Variants in SPAG16 observed in about 807,000 individuals in gnomAD.
SPAG16 encodes the protein sperm associated antigen 16, also known as sperm-associated antigen 16 protein.
Under a neutral mutation model 80.4 loss-of-function variants are expected in SPAG16, and 86 were observed. That is an observed-to-expected ratio of 1.07 (90% CI 0.90 to 1.28). The LOEUF (loss-of-function observed/expected upper bound fraction) is 1.28, where lower values mean the gene tolerates loss of function less well. Ranked by LOEUF, SPAG16 falls within the 50% of genes most tolerant of loss-of-function variation. SPAG16 has a pLI of 0.00. For missense variants in SPAG16, 870 were observed against 765.3 expected (o/e 1.14, Z -1.61); for synonymous variants, 294 against 265.9 (o/e 1.11, Z -1.03).
chr2:213,563,599 G>T (rs1352978255), intron 10 of SPAG16, among the ~76,000 whole-genome samples: 1 of 152,210 alleles, frequency 6.6e-6, no homozygotes, highest in African/African-American at 2.4e-5. Context: ...AATCCTATTG[G>T]TTCAGGACCC....
chr2:213,734,818 A>T (rs2067210263), intron 10 of SPAG16, among the ~76,000 whole-genome samples: 1 of 152,108 alleles, frequency 6.6e-6, no homozygotes, highest in African/African-American at 2.4e-5. Context: ...TAAACTTTTG[A>T]AAAGTAGCAT....
chr2:213,496,199 T>C (rs2074480654), intron 10 of SPAG16, among the ~76,000 whole-genome samples: 1 of 152,126 alleles, frequency 6.6e-6, no homozygotes, highest in Non-Finnish European at 1.5e-5. Context: ...GACAGTGATA[T>C]AGAGGCTAAT....
At chr2:214,309,856 G>A (rs1365304281) in intron 15 of SPAG16, among the ~76,000 whole-genome samples, 1 of 152,198 alleles carries the variant, frequency 6.6e-6, no homozygotes, top group Non-Finnish European at 1.5e-5. Flanking sequence ...CACCACAGTG[G>A]TAGAGGCAAG....
intron 10 of SPAG16, among the ~76,000 whole-genome samples, chr2:213,520,672 T>C (rs1240422987): frequency 6.6e-6 from 1 of 152,266 alleles, no homozygotes; most frequent in Non-Finnish European, 1.5e-5. Context: ...AGGAGACTAC[T>C]ACTGTGTTCT....
chr2:213,772,594 T>C (rs556328981), intron 10 of SPAG16, among the ~76,000 whole-genome samples: 14 of 152,308 alleles, frequency 9.2e-5, no homozygotes, highest in African/African-American at 3.1e-4. Flanking sequence ...TTCTATTCCA[T>C]TGACTGGTTA....
At chr2:213,992,013 C>A (rs2046310796) in intron 12 of SPAG16, among the ~76,000 whole-genome samples, 1 of 151,960 alleles carries the variant, frequency 6.6e-6, no homozygotes, top group South Asian at 2.1e-4. Flanking sequence ...TCACATCGGA[C>A]TTCAAAATGC....
At chr2:214,218,566 C>T (rs938419560) in intron 15 of SPAG16, among the ~76,000 whole-genome samples, 5 of 152,114 alleles carry the variant, frequency 3.3e-5, no homozygotes, top group African/African-American at 4.8e-5. Context: ...GCAGAAGAAC[C>T]TGGGAAGAGA....
At chr2:213,742,772 T>C (rs1383998203) in intron 10 of SPAG16, among the ~76,000 whole-genome samples, 3 of 151,674 alleles carry the variant, frequency 2.0e-5, no homozygotes, top group African/African-American at 7.3e-5. Flanking sequence ...AGGCTGGTCC[T>C]GAACCCCTGA....
At chr2:214,019,363 C>T (rs965429624) in intron 13 of SPAG16, among the ~76,000 whole-genome samples, 1 of 151,946 alleles carries the variant, frequency 6.6e-6, no homozygotes, top group African/African-American at 2.4e-5. Flanking sequence ...TGAGTTGTGT[C>T]AGAGCTGGGC....
At chr2:213,376,796 A>G (rs950794963) in intron 9 of SPAG16, among the ~76,000 whole-genome samples, 6 of 152,178 alleles carry the variant, frequency 3.9e-5, no homozygotes, top group African/African-American at 1.4e-4. Context: ...TTAATCCCAT[A>G]AACAGCCTTT....
chr2:213,367,103 C>G (rs2066342773), intron 8 of SPAG16, among the ~76,000 whole-genome samples: 2 of 152,166 alleles, frequency 1.3e-5, no homozygotes, highest in African/African-American at 2.4e-5. Context: ...CATGTCCCTA[C>G]AAAGGACATG....
chr2:213,683,398 A>G (rs1385303208), intron 10 of SPAG16, among the ~76,000 whole-genome samples: 1 of 152,184 alleles, frequency 6.6e-6, no homozygotes, highest in East Asian at 1.9e-4. Flanking sequence ...AAAAAATAGA[A>G]AAATTAGCTG....
In SPAG16 at chr2:214,389,535, A is replaced by G. The variant is rs529425561; in HGVS notation, c.1721-20605A>G. Reference sequence around the variant, plus strand: ...CAGCATGTGTCAGAAGATGTAGGAAATCAACTGGCCTCTTTGACAGATTTT... The same window carrying G: ...CAGCATGTGTCAGAAGATGTAGGAAGTCAACTGGCCTCTTTGACAGATTTT... On this transcript the variant is annotated intron_variant, in intron 15 of 15. Coordinates refer to ENST00000331683, the MANE Select transcript of SPAG16 (RefSeq NM_024532.5). 1.5e-4 allele frequency among the ~76,000 whole-genome samples: 23 copies of G among 152,338 alleles called. No homozygotes were observed. The South Asian group carries it at 4.1e-3, about 27-fold the overall frequency.
intron 9 of SPAG16, among the ~76,000 whole-genome samples, chr2:213,413,994 C>G (rs10498005): frequency 0.098 from 14,926 of 152,218 alleles, 1,917 homozygotes; most frequent in African/African-American, 0.29. Context: ...CACTAATCTT[C>G]ATGTTTAACT....
intron 11 of SPAG16, among the ~76,000 whole-genome samples, chr2:213,905,783 A>C (rs1464367831): frequency 1.3e-5 from 2 of 152,164 alleles, no homozygotes; most frequent in Non-Finnish European, 2.9e-5. Context: ...ATAAATTTTA[A>C]AGGGGTTATA....
At chr2:213,354,232 C>A (rs1388883092) in intron 7 of SPAG16, among the ~76,000 whole-genome samples, 1 of 152,196 alleles carries the variant, frequency 6.6e-6, no homozygotes, top group African/African-American at 2.4e-5. Context: ...TTTTTTATGG[C>A]AGCATAGTAT....
chr2:213,736,366 T>C (rs1413995961), intron 10 of SPAG16, among the ~76,000 whole-genome samples: 1 of 151,974 alleles, frequency 6.6e-6, no homozygotes, highest in Non-Finnish European at 1.5e-5. Context: ...TGATCTCGGC[T>C]CACTGTAAAC....
At chr2:213,426,862 C>G (rs1443549839) in intron 9 of SPAG16, among the ~76,000 whole-genome samples, 4 of 151,130 alleles carry the variant, frequency 2.6e-5, no homozygotes, top group African/African-American at 4.8e-5. Context: ...CACACACACA[C>G]ACACACACAC....
At chr2:213,302,637 G>GTA (rs1205068998) in intron 3 of SPAG16, 2 of 74,316 alleles carry the variant, frequency 2.7e-5, no homozygotes, top group East Asian at 1.4e-3. Flanking sequence ...GTGTGTGTGT[G>GTA]TGTGTGTGTG....
Sources: gnomAD v4.1 joint callset for allele counts (sites outside exome capture counted in the v4.1 genomes callset) on GRCh38, gnomAD v4.1.1 for gene constraint, MANE v1.5 for transcripts, NCBI Gene and HGNC (gene_info 2026-07-23, HGNC 2026-07-21) for gene names.